RSF1: variants seen among roughly 807,000 people sequenced by gnomAD.
RSF1 encodes the protein HBV pX-associated protein 8.
In RSF1, 13 loss-of-function variants were observed where a neutral mutation model predicts 145.2. That is an observed-to-expected ratio of 0.09 (90% CI 0.06 to 0.14). The LOEUF (loss-of-function observed/expected upper bound fraction) is 0.14. Among genes scored for constraint, RSF1 ranks in the 10% least tolerant of loss-of-function variants. The pLI, the probability that RSF1 is intolerant of heterozygous loss-of-function variation, is 1.00. For missense variants in RSF1, 1,517 were observed against 1,718.2 expected (o/e 0.88, Z 2.07); for synonymous variants, 577 against 592.6 (o/e 0.97, Z 0.38).
chr11:77,764,611 T>C lies in RSF1; in HGVS notation c.266A>G (p.Lys89Arg). ...GKSVTADRWE[K>R]YLIKICQEFN... ...AATACTAGTTACCTTGATCAAATAT[T>C]TTTCCCATCTGTCTGCAGTAACAGA... The change falls in exon 2 of 16, where the codon AAA becomes AGA. Residue 89 changes from lysine to arginine, a missense_variant. Physicochemically the swap from Lys to Arg is conservative, Grantham distance 26. Transcript: ENST00000308488. 1 of 1,590,746 alleles carries C rather than the reference T, an allele frequency of 6.3e-7. No individual in the cohort carries two copies. Among genetic ancestry groups the C allele is most frequent in the Non-Finnish European group, 8.6e-7 (1 of 1,160,000 alleles).
the RSF1 span, among the ~76,000 whole-genome samples, chr11:77,836,562 G>A: frequency 6.6e-6 from 1 of 152,228 alleles, no homozygotes; most frequent in African/African-American, 2.4e-5. Flanking sequence ...CACGCAGTCT[G>A]TGGTATTTTG....
intron 1 of RSF1, among the ~76,000 whole-genome samples, chr11:77,794,742 C>T (rs1046093901): frequency 6.6e-6 from 1 of 152,148 alleles, no homozygotes; most frequent in African/African-American, 2.4e-5. Flanking sequence ...CAGCTAACAT[C>T]ATACTGAATA....
intron 1 of RSF1, among the ~76,000 whole-genome samples, chr11:77,819,337 AAAG>A (rs1389029042): frequency 2.2e-4 from 33 of 152,260 alleles, no homozygotes; most frequent in African/African-American, 7.0e-4. Context: ...TTCTCTGAGG[AAAG>A]AAAAGTGCCA....
Position 77,663,419 on chromosome 11 carries a change from G to T in RSF1, c.*3498C>A, listed in dbSNP as rs544878447. The T allele has an allele frequency of 1.3e-5, 2 of 152,008 alleles. No homozygotes were observed. The highest frequency in any genetic ancestry group is 2.9e-5 in the Non-Finnish European group (2 of 67,978). The allele number at this position is 152,008 out of a possible 1,614,324, so 9.4% of individuals were successfully genotyped here. A position where few individuals can be genotyped will look rare whatever the true frequency, so the allele number is the denominator to read the frequency against. ...TTTCATCAACTAAAAAGTAAAAACT[G>T]GGTACGTGTAACACCCTTTTAAAAT... On this transcript the variant is annotated 3_prime_UTR_variant, in exon 16 of 16. Transcript: ENST00000308488.
chr11:77,849,026 A>G, the RSF1 span, among the ~76,000 whole-genome samples: 60,828 of 150,422 alleles, frequency 0.4, 12,873 homozygotes, highest in African/African-American at 0.52. Flanking sequence ...CTCCTGGCCT[A>G]AAGTGGTGCT....
At chr11:77,741,622 G>A (rs960166692) in intron 3 of RSF1, among the ~76,000 whole-genome samples, 1 of 151,972 alleles carries the variant, frequency 6.6e-6, no homozygotes, top group Admixed American at 6.5e-5. Flanking sequence ...ATACACCATG[G>A]TATTCTGATA....
rs1476337755 is a variant in RSF1, at chr11:77,663,871, A to G, written c.*3046T>C. ...AATCTACATCTCCCTTTAATACATT[A>G]GCTACAGTCTAGAGTTTGACACTGG... On this transcript the variant is annotated 3_prime_UTR_variant, in exon 16 of 16. Coordinates refer to ENST00000308488, the MANE Select transcript of RSF1 (RefSeq NM_016578.4). The G allele has an allele frequency of 1.3e-5, 2 of 152,210 alleles. No individual in the cohort carries two copies. Among genetic ancestry groups the G allele is most frequent in the Non-Finnish European group, 2.9e-5 (2 of 68,036 alleles). 9.4% of individuals were successfully genotyped at this position (152,210 alleles called of 1,614,324 possible).
At chr11:77,739,372 CAG>C (rs1961450507) in intron 4 of RSF1, 2 of 152,376 alleles carry the variant, frequency 1.3e-5, no homozygotes, top group South Asian at 2.1e-4. Context: ...ATAACAGAAA[CAG>C]TGGTATAATG....
chr11:77,788,840 A>C (rs1417148694), intron 1 of RSF1, among the ~76,000 whole-genome samples: 2 of 152,140 alleles, frequency 1.3e-5, no homozygotes, highest in Non-Finnish European at 2.9e-5. Context: ...AGAACAACCA[A>C]AATAGTGAGT....
chr11:77,838,156 T>G, the RSF1 span, among the ~76,000 whole-genome samples: 30 of 152,190 alleles, frequency 2.0e-4, no homozygotes, highest in Non-Finnish European at 5.9e-5. Context: ...CTAATCGTCT[T>G]TAGTTGGAGA....
intron 1 of RSF1, among the ~76,000 whole-genome samples, chr11:77,814,900 A>C (rs973745110): frequency 1.3e-5 from 2 of 149,378 alleles, no homozygotes; most frequent in African/African-American, 4.9e-5. Context: ...GTTTTTTTTT[A>C]ATTTCAGTGC....
intron 5 of RSF1, among the ~76,000 whole-genome samples, chr11:77,720,282 A>G (rs1960913856): frequency 6.6e-6 from 1 of 152,238 alleles, no homozygotes; most frequent in South Asian, 2.1e-4. Flanking sequence ...AAATTTAAAA[A>G]AGGACAGTCT....
intron 13 of RSF1, 122 bp downstream of exon 13, chr11:77,676,670 A>G (rs1337152107): frequency 2.4e-5 from 17 of 706,886 alleles, no homozygotes; most frequent in Admixed American, 5.6e-5. Context: ...CTGAAAATAA[A>G]CAGAGGTTGT....
intron 7 of RSF1, among the ~76,000 whole-genome samples, chr11:77,696,267 T>C (rs1490271736): frequency 1.3e-5 from 2 of 152,222 alleles, no homozygotes. Context: ...AATATTACCA[T>C]GTAAGATTTC....
chr11:77,779,349 A>AGCCG lies in RSF1; in HGVS notation c.188-14661_188-14660insCGGC, dbSNP rs200632617. 1.9e-3 allele frequency among the ~76,000 whole-genome samples: 282 copies of AGCCG among 151,792 alleles called. 12 individuals are homozygous for AGCCG. The East Asian group carries it at 0.044, about 24-fold the overall frequency. The stretch of plus-strand genomic sequence containing the variant: ...TAGCCTCCCTAGTAGCTAGGACTAT[A>AGCCG]GGCACACCACTATGCCTTGCTATTT... On this transcript the variant is annotated intron_variant, in intron 1 of 15. Transcript: ENST00000308488.
chr11:77,747,979 G>A (rs1948019453), intron 2 of RSF1, among the ~76,000 whole-genome samples: 1 of 152,052 alleles, frequency 6.6e-6, no homozygotes, highest in East Asian at 1.9e-4. Flanking sequence ...AGAGCATAAC[G>A]AGGGCCAAAG....
intron 4 of RSF1, among the ~76,000 whole-genome samples, chr11:77,732,145 T>A (rs1961222062): frequency 6.6e-6 from 1 of 152,244 alleles, no homozygotes; most frequent in South Asian, 2.1e-4. Context: ...TGCATCAGCA[T>A]GACCCAGATG....
chr11:77,732,164 T>C (rs905480724), intron 4 of RSF1, among the ~76,000 whole-genome samples: 1 of 152,222 alleles, frequency 6.6e-6, no homozygotes, highest in Non-Finnish European at 1.5e-5. Flanking sequence ...TGTGAGACAG[T>C]CAAAAGAGAT....
At chr11:77,716,188 T>C (rs937830781) in intron 5 of RSF1, among the ~76,000 whole-genome samples, 3 of 151,524 alleles carry the variant, frequency 2.0e-5, no homozygotes, top group African/African-American at 7.3e-5. Flanking sequence ...TGTGAAGTAG[T>C]ACAGCCATAT....
Sources: allele counts gnomAD v4.1 joint callset (sites outside exome capture counted in the v4.1 genomes callset), GRCh38; gene constraint gnomAD v4.1.1; transcripts MANE v1.5; gene names NCBI Gene and HGNC (gene_info 2026-07-23, HGNC 2026-07-21).